NFIB: variants seen among roughly 807,000 people sequenced by gnomAD.
NFIB encodes nuclear factor I B.
A neutral mutation model predicts 61.5 loss-of-function variants in NFIB; 11 were observed. The ratio of observed to expected loss-of-function variants is 0.18; its 90% CI spans 0.11 to 0.30. The LOEUF (loss-of-function observed/expected upper bound fraction) is 0.30, where lower values mean the gene tolerates loss of function less well. Ranked by LOEUF, NFIB falls within the 10% of genes least tolerant of loss-of-function variation. The pLI is 1.00. For synonymous variants in NFIB, 260 were observed against 216.5 expected (o/e 1.20, Z -1.76); for missense variants, 471 against 608.9 (o/e 0.77, Z 2.38).
the NFIB span, among the ~76,000 whole-genome samples, chr9:14,473,245 A>G: frequency 6.6e-6 from 1 of 152,218 alleles, no homozygotes; most frequent in Admixed American, 6.5e-5. Context: ...TGTATAGTAA[A>G]TGTTATACAT....
Position 14,088,108 on chromosome 9 carries a change from C to T in NFIB, c.*201G>A. On this transcript the variant is annotated 3_prime_UTR_variant, in exon 11 of 11. Coordinates refer to ENST00000380953, the MANE Select transcript of NFIB (RefSeq NM_001190737.2). ...TTTCTTCAGTTTCTTTCCTTTCTGC[C>T]TTTGTGTTGTTTTGTCCAGTCTTCC... The T allele has an allele frequency of 8.4e-7, 1 of 1,187,128 alleles. No individual in the cohort carries two copies. Among genetic ancestry groups the T allele is most frequent in the Non-Finnish European group, 1.1e-6 (1 of 908,126 alleles). The allele number at this position is 1,187,128 out of a possible 1,614,324, so 73.5% of individuals were successfully genotyped here. A position where few individuals can be genotyped will look rare whatever the true frequency, so the allele number is the denominator to read the frequency against.
chr9:14,173,548 C>T (rs978959066), intron 3 of NFIB, among the ~76,000 whole-genome samples: 1 of 152,068 alleles, frequency 6.6e-6, no homozygotes, highest in African/African-American at 2.4e-5. Context: ...CAGTATCTAG[C>T]CGAGTGTGAT....
At chr9:14,372,959 C>A (rs1490772069) in intron 1 of NFIB, among the ~76,000 whole-genome samples, 4 of 150,632 alleles carry the variant, frequency 2.7e-5, no homozygotes, top group Non-Finnish European at 4.4e-5. Context: ...TAGATATGAG[C>A]AAGCATCCCT....
the NFIB span, among the ~76,000 whole-genome samples, chr9:14,434,652 G>T: frequency 6.6e-6 from 1 of 152,270 alleles, no homozygotes; most frequent in Non-Finnish European, 1.5e-5. Flanking sequence ...AGCAAGAAAA[G>T]CTTCCCAATA....
chr9:14,213,062 A>G (rs16923133), intron 2 of NFIB, among the ~76,000 whole-genome samples: 22,955 of 152,264 alleles, frequency 0.15, 2,099 homozygotes, highest in South Asian at 0.33. Flanking sequence ...TTTATGCACT[A>G]CATTATTTGC....
chr9:14,496,203 A>G, the NFIB span, among the ~76,000 whole-genome samples: 1 of 152,212 alleles, frequency 6.6e-6, no homozygotes, highest in Non-Finnish European at 1.5e-5. Context: ...GGATTTTGGA[A>G]TATTTGCATG....
intron 6 of NFIB, among the ~76,000 whole-genome samples, chr9:14,129,875 G>T (rs1461234857): frequency 4.6e-5 from 7 of 152,174 alleles, no homozygotes; most frequent in African/African-American, 1.7e-4. Context: ...CAGCTGAAAA[G>T]AGATGCAAAA....
At chr9:14,238,405 G>T (rs1000213751) in intron 2 of NFIB, among the ~76,000 whole-genome samples, 6 of 152,042 alleles carry the variant, frequency 3.9e-5, no homozygotes, top group Admixed American at 2.0e-4. Context: ...AATACGTAAG[G>T]TTACATTAAA....
At chr9:14,524,535 T>C in the NFIB span, among the ~76,000 whole-genome samples, 1 of 152,182 alleles carries the variant, frequency 6.6e-6, no homozygotes, top group African/African-American at 2.4e-5. Flanking sequence ...AGGTGCAAAC[T>C]TGGATCAATG....
chr9:14,369,294 C>T (rs560293276), intron 1 of NFIB, among the ~76,000 whole-genome samples: 5 of 152,264 alleles, frequency 3.3e-5, no homozygotes, highest in East Asian at 1.9e-4. Flanking sequence ...GGAAGCTGGT[C>T]GAAGGGCTGT....
chr9:14,410,661 C>T, the NFIB span, among the ~76,000 whole-genome samples: 1 of 152,166 alleles, frequency 6.6e-6, no homozygotes, highest in African/African-American at 2.4e-5. Flanking sequence ...AGAAAGTACA[C>T]TTGAGTCTTC....
chr9:14,440,988 C>T, the NFIB span, among the ~76,000 whole-genome samples: 1 of 151,898 alleles, frequency 6.6e-6, no homozygotes, highest in Admixed American at 6.6e-5. Flanking sequence ...GACAGCCATT[C>T]CTGATATGGA....
At chr9:14,376,910 G>A (rs1037235597) in intron 1 of NFIB, among the ~76,000 whole-genome samples, 1 of 152,036 alleles carries the variant, frequency 6.6e-6, no homozygotes. Flanking sequence ...TTCCTACAAT[G>A]ATACAACTTC....
chr9:14,180,947 A>G (rs1449728480), intron 2 of NFIB: 2 of 152,218 alleles, frequency 1.3e-5, no homozygotes, highest in Non-Finnish European at 2.9e-5. Flanking sequence ...TCTGTCATGT[A>G]CTGCCATATA....
At chr9:14,359,800 T>C (rs1331579917) in intron 1 of NFIB, among the ~76,000 whole-genome samples, 1 of 152,050 alleles carries the variant, frequency 6.6e-6, no homozygotes, top group African/African-American at 2.4e-5. Context: ...CTACTAGATA[T>C]ACCTATGAAT....
the NFIB span, among the ~76,000 whole-genome samples, chr9:14,439,420 G>T: frequency 6.6e-6 from 1 of 152,186 alleles, no homozygotes; most frequent in African/African-American, 2.4e-5. Context: ...ATCTTTCTGT[G>T]TTTAAATTTC....
rs972448989 is a variant in NFIB at position 14,087,251 on chromosome 9, T to G, written c.*1058A>C. The G allele has an allele frequency of 2.9e-5, 6 of 204,034 alleles. No homozygotes were observed. The highest frequency in any genetic ancestry group is 6.0e-5 in the Admixed American group (1 of 16,706). 12.6% of individuals were successfully genotyped at this position (204,034 alleles called of 1,614,324 possible). On this transcript the variant is annotated 3_prime_UTR_variant, in exon 11 of 11. Transcript: ENST00000380953. ...CATAAGTGCTGTGTTTTCATTAATT[T>G]TATTTTTCTCAAGCACATGATTTGT...
At chr9:14,496,444 C>G in the NFIB span, among the ~76,000 whole-genome samples, 2 of 152,078 alleles carry the variant, frequency 1.3e-5, no homozygotes, top group Non-Finnish European at 2.9e-5. Flanking sequence ...GATTTTGGAG[C>G]ATTTTGGATT....
intron 3 of NFIB, among the ~76,000 whole-genome samples, chr9:14,177,496 A>C (rs2046316534): frequency 1.3e-5 from 2 of 152,140 alleles, no homozygotes; most frequent in Admixed American, 6.5e-5. Context: ...ATTCCTTAAT[A>C]AGCCTTATGG....
Sources: allele counts gnomAD v4.1 joint callset (sites outside exome capture counted in the v4.1 genomes callset), GRCh38; gene constraint gnomAD v4.1.1; transcripts MANE v1.5; gene names NCBI Gene and HGNC (gene_info 2026-07-23, HGNC 2026-07-21).